KLC3: variants seen among roughly 807,000 people sequenced by gnomAD.
KLC3 encodes kinesin light chain 3, also known as kinesin light chain 2.
A neutral mutation model predicts 62.9 loss-of-function variants in KLC3; 72 were observed. The observed-to-expected ratio is 1.15, with a 90% CI of 0.95 to 1.39. The LOEUF is 1.39. KLC3 is among the 40% of genes most tolerant of loss of function. KLC3 has a pLI of 0.00. For synonymous variants in KLC3, 377 were observed against 300.5 expected (o/e 1.25, Z -2.63); for missense variants, 848 against 691.6 (o/e 1.23, Z -2.54).
intron 1 of KLC3, among the ~76,000 whole-genome samples, chr19:45,341,180 CTGTGTT>C (rs1408912171): frequency 0.011 from 988 of 87,816 alleles, 6 homozygotes; most frequent in African/African-American, 0.03. Context: ...TCCTGCCTGC[CTGTGTT>C]TGTGTGTGTG....
Position 45,350,720 on chromosome 19 carries a change from G to C in KLC3, c.1352G>C (p.Arg451Pro), listed in dbSNP as rs199586485. The C allele has an allele frequency of 4.3e-6, 7 of 1,612,974 alleles. No individual in the cohort carries two copies. The African/African-American group carries it at 5.3e-5, about 12-fold the overall frequency. ...RGSEKLVSRLRGEAAAGAAGM... is the reference protein window; with the variant it reads ...RGSEKLVSRLPGEAAAGAAGM... ...AGTGAGAAGCTGGTCTCCCGGCTCC[G>C]AGGCGAGGCGGCGGCAGGAGCAGCC... Residue 451 changes from arginine (R) to proline (P), a missense_variant, in exon 11 of 13, where the codon CGA becomes CCA. Arg to Pro is a moderately radical substitution (Grantham distance 103). Transcript: ENST00000391946.
intron 6 of KLC3, 21 bp from the exon 7 acceptor site, chr19:45,348,799 G>A (rs1378281318): frequency 1.9e-6 from 3 of 1,562,594 alleles, no homozygotes; most frequent in East Asian, 2.4e-5. Context: ...TCCCTGACCT[G>A]TGCCTCCCCC....
rs1036682198 is a variant in KLC3 at position 45,346,433 on chromosome 19, G to A, written c.259-111G>A. The A allele has an allele frequency of 4.5e-5, 40 of 892,682 alleles. No homozygotes were observed. The African/African-American group carries it at 4.6e-4, about 10-fold the overall frequency. The allele number at this position is 892,682 out of a possible 1,614,324, so 55.3% of individuals were successfully genotyped here. A position where few individuals can be genotyped will look rare whatever the true frequency, so the allele number is the denominator to read the frequency against. Reference sequence around the variant, plus strand: ...GGCAGAGTCTCTGCAGAATCTGGGGGTGTCGTGCATAGTAGTGGGGTGCTA... The same window carrying A: ...GGCAGAGTCTCTGCAGAATCTGGGGATGTCGTGCATAGTAGTGGGGTGCTA... On this transcript the variant is annotated intron_variant, in intron 2 of 12. Coordinates refer to ENST00000391946, the MANE Select transcript of KLC3 (RefSeq NM_177417.3).
intron 1 of KLC3, among the ~76,000 whole-genome samples, chr19:45,341,578 T>TGTGTGTGTGTGCGCGCGCGCGCGCGC: frequency 1.4e-5 from 2 of 139,800 alleles, no homozygotes; most frequent in Non-Finnish European, 3.1e-5. Context: ...TGTGTGTGTG[T>TGTGTGTGTGTGCGCGCGCGCGCGCGC]GCGCGCGCGC....
At chr19:45,348,998 C>A in intron 7 of KLC3, 77 bp downstream of exon 7, 2 of 1,296,556 alleles carry the variant, frequency 1.5e-6, no homozygotes, top group Non-Finnish European at 2.2e-6. Flanking sequence ...GCACGTACAT[C>A]GTGACCCTGA....
chr19:45,350,852 CCCCTGTGATACACACAGATCAAA>C (rs1297885823), intron 11 of KLC3, 79 bp from the exon 12 acceptor site: 1 of 1,285,222 alleles, frequency 7.8e-7, no homozygotes, highest in Non-Finnish European at 1.1e-6. Flanking sequence ...GCTCCCATCT[CCCCTGTGATACACACAGATCAAA>C]CCCTGTGCTG....
chr19:45,344,379 A>ATT (rs11418920), intron 1 of KLC3, among the ~76,000 whole-genome samples: 5,243 of 121,424 alleles, frequency 0.043, 215 homozygotes, highest in African/African-American at 0.074. Flanking sequence ...ATGCTCTGCT[A>ATT]TTTTTTTTTT....
At chr19:45,347,552 G>C (rs758303251) in intron 4 of KLC3, 36 bp downstream of exon 4, 2 of 1,563,510 alleles carry the variant, frequency 1.3e-6, no homozygotes, top group South Asian at 2.3e-5. Flanking sequence ...GAGGATGGCA[G>C]GCCAGGGTGG....
At chr19:45,348,540 TGGTTCAGCCA>T in intron 5 of KLC3, 96 bp from the exon 6 acceptor site, 1 of 1,098,184 alleles carries the variant, frequency 9.1e-7, no homozygotes, top group East Asian at 2.6e-5. Context: ...CACCCATGCT[TGGTTCAGCCA>T]GGTTCCCTGG....
In KLC3 at chr19:45,351,091, G is replaced by T. The variant is rs951500221; in HGVS notation, c.1443+74G>T. ...GCAGAGATGAGGCAAAGGCAGGGCGGTCGGGCCAGTGGTGGAGTCAGCAGG... is the reference window on the plus strand; with the variant it reads ...GCAGAGATGAGGCAAAGGCAGGGCGTTCGGGCCAGTGGTGGAGTCAGCAGG... On this transcript the variant is annotated intron_variant, in intron 12 of 12. Coordinates refer to ENST00000391946, the MANE Select transcript of KLC3 (RefSeq NM_177417.3). 7 of 1,611,746 alleles carry T rather than the reference G, an allele frequency of 4.3e-6. No individual in the cohort carries two copies. In the African/African-American group the frequency reaches 8.0e-5, roughly 18 times the overall value.
chr19:45,345,897 G>GC, intron 2 of KLC3, 98 bp downstream of exon 2: 1 of 1,331,240 alleles, frequency 7.5e-7, no homozygotes. Flanking sequence ...CTGGGAGAGG[G>GC]TTCACTATTG....
Position 45,350,681 on chromosome 19 carries a change from CTATCAGGCGAGGAAGTGAGAA to C in KLC3, c.1314_1334del (p.Ile439_Lys445del). 3.1e-6 allele frequency: 5 copies of C among 1,613,848 alleles called. No homozygotes were observed. The highest frequency in any genetic ancestry group is 1.7e-4 in the Middle Eastern group (1 of 6,054). On this transcript the variant is annotated inframe_deletion, in exon 11 of 13. Coordinates refer to ENST00000391946, the MANE Select transcript of KLC3 (RefSeq NM_177417.3). ...AGCTCACTCTCCAAGATCCGTGAGT[CTATCAGGCGAGGAAGTGAGAA>C]GCTGGTCTCCCGGCTCCGAGGCGAG...
Position 45,345,635 on chromosome 19 carries a change from C to T in KLC3, c.94C>T (p.Gln32Ter). The change falls in exon 2 of 13, where the codon CAG becomes TAG. Residue 32 changes from glutamine (Q) to a stop codon, truncating the protein, a stop_gained. Transcript: ENST00000391946. LOFTEE classifies it high-confidence loss of function. The part of the protein sequence containing the change: ...ELVRQTRQVV[Q>*]GLEALRAEHH... ...GGTGCGGCAGACGCGGCAAGTGGTC[C>T]AGGGGCTGGAGGCGCTGCGGGCAGA... The T allele has an allele frequency of 1.9e-6, 3 of 1,584,834 alleles. No individual in the cohort carries two copies. The highest frequency in any genetic ancestry group is 2.6e-6 in the Non-Finnish European group (3 of 1,167,024).
At chr19:45,342,226 T>G (rs998961542) in intron 1 of KLC3, among the ~76,000 whole-genome samples, 5 of 152,040 alleles carry the variant, frequency 3.3e-5, no homozygotes, top group Non-Finnish European at 7.4e-5. Context: ...CCTGTGTGGT[T>G]GTGAGTTCAA....
chr19:45,341,443 A>T (rs1268386344), intron 1 of KLC3, among the ~76,000 whole-genome samples: 2 of 151,418 alleles, frequency 1.3e-5, no homozygotes, highest in Non-Finnish European at 2.9e-5. Context: ...CCTGATGTGC[A>T]TGTGTGTGGC....
chr19:45,341,058 C>A (rs546686254), intron 1 of KLC3, among the ~76,000 whole-genome samples: 44 of 152,090 alleles, frequency 2.9e-4, no homozygotes, highest in Non-Finnish European at 5.3e-4. Flanking sequence ...CGGGGCGGGG[C>A]CTGGGAGGGA....
At position 45,348,032 on chromosome 19, in the gene KLC3, CGCGGG is replaced by C; in HGVS notation, c.654_658del (p.Gln220ProfsTer3). On this transcript the variant is annotated frameshift_variant, in exon 5 of 13. Coordinates refer to ENST00000391946, the MANE Select transcript of KLC3 (RefSeq NM_177417.3). LOFTEE classifies it high-confidence loss of function. ...CCCTGCATAACCTCGTGATCCAGTA[CGCGGG>C]GCAGGGCCGCTATGAGGTGGCGGTG... The C allele has an allele frequency of 6.2e-7, 1 of 1,606,834 alleles. No individual in the cohort carries two copies. Among genetic ancestry groups the C allele is most frequent in the Non-Finnish European group, 8.5e-7 (1 of 1,176,860 alleles).
intron 5 of KLC3, 141 bp downstream of exon 5, chr19:45,348,301 A>AGG: frequency 1.3e-6 from 1 of 797,648 alleles, no homozygotes; most frequent in Non-Finnish European, 2.0e-6. Context: ...TGGGAAAGGA[A>AGG]GGGAAGGCTC....
At chr19:45,341,182 GTGTT>G (rs200137403) in intron 1 of KLC3, among the ~76,000 whole-genome samples, 7,876 of 109,916 alleles carry the variant, frequency 0.072, 234 homozygotes, top group Middle Eastern at 0.12. Flanking sequence ...CTGCCTGCCT[GTGTT>G]TGTGTGTGTG....
Sources: gnomAD v4.1 joint callset for allele counts (sites outside exome capture counted in the v4.1 genomes callset) on GRCh38, gnomAD v4.1.1 for gene constraint, MANE v1.5 for transcripts, NCBI Gene and HGNC (gene_info 2026-07-23, HGNC 2026-07-21) for gene names.